The following RPS6KA5 variants were observed in gnomAD, a reference collection of about 807,000 sequenced individuals.
RPS6KA5 encodes ribosomal protein S6 kinase A5, also known as ribosomal protein S6 kinase alpha-5.
RPS6KA5 carries 27 observed loss-of-function variants against 85.5 expected under a neutral mutation model. The observed-to-expected ratio is 0.32, with a 90% CI of 0.23 to 0.44. The LOEUF (loss-of-function observed/expected upper bound fraction) is 0.44. RPS6KA5 is among the 20% of genes least tolerant of loss of function. The pLI is 1.00. For missense variants in RPS6KA5, 811 were observed against 980.9 expected (o/e 0.83, Z 2.31); for synonymous variants, 334 against 348.2 (o/e 0.96, Z 0.46).
At chr14:90,906,398 G>A (rs2140246923) in intron 7 of RPS6KA5, 99 bp from the exon 8 acceptor site, 1 of 943,426 alleles carries the variant, frequency 1.1e-6, no homozygotes, top group Non-Finnish European at 1.6e-6. Flanking sequence ...ATGTGAAAGA[G>A]AGATATAAAT....
intron 2 of RPS6KA5, among the ~76,000 whole-genome samples, chr14:90,978,726 A>G (rs1478716878): frequency 3.3e-5 from 5 of 152,178 alleles, no homozygotes; most frequent in Non-Finnish European, 7.3e-5. Flanking sequence ...TAATGTTTAC[A>G]TATCTAACCA....
rs574140721 is a variant in RPS6KA5, at chr14:91,004,186, C to T, written c.104-3027G>A. On this transcript the variant is annotated intron_variant, in intron 1 of 16. Coordinates refer to ENST00000614987, the MANE Select transcript of RPS6KA5 (RefSeq NM_004755.4). ...CTGCAAGCTCCGCCTCCCGGGTTCA[C>T]GCCATTCTCCTGCCTCAGCCTCCCG... 9.3e-4 allele frequency among the ~76,000 whole-genome samples: 142 copies of T among 152,206 alleles called. 1 individual carries two copies. The highest frequency in any genetic ancestry group is 3.2e-3 in the African/African-American group (131 of 41,534).
intron 1 of RPS6KA5, among the ~76,000 whole-genome samples, chr14:91,045,143 T>C (rs998933156): frequency 2.0e-5 from 3 of 152,214 alleles, no homozygotes; most frequent in African/African-American, 7.2e-5. Flanking sequence ...ACATTTGTGG[T>C]AATTTGTTAT....
intron 2 of RPS6KA5, among the ~76,000 whole-genome samples, chr14:90,986,007 AG>A (rs1383840446): frequency 6.6e-6 from 1 of 152,200 alleles, no homozygotes; most frequent in Non-Finnish European, 1.5e-5. Flanking sequence ...CAACTATAAA[AG>A]GCTAGGGGGA....
chr14:91,032,837 C>T (rs750919673), intron 1 of RPS6KA5, among the ~76,000 whole-genome samples: 8 of 151,692 alleles, frequency 5.3e-5, no homozygotes, highest in Non-Finnish European at 8.8e-5. Context: ...AAGACATAAG[C>T]ACTTCACAAA....
At chr14:90,912,360 A>G (rs1233259560) in intron 7 of RPS6KA5, among the ~76,000 whole-genome samples, 1 of 152,214 alleles carries the variant, frequency 6.6e-6, no homozygotes, top group African/African-American at 2.4e-5. Context: ...AGACTTGGAA[A>G]GAAAACAGCA....
At chr14:91,017,743 C>T (rs1451391284) in intron 1 of RPS6KA5, among the ~76,000 whole-genome samples, 1 of 152,204 alleles carries the variant, frequency 6.6e-6, no homozygotes, top group South Asian at 2.1e-4. Flanking sequence ...TGTATGCTTC[C>T]TGTTCCCACA....
In RPS6KA5 at chr14:91,002,707, T is replaced by C. The variant is rs111671633; in HGVS notation, c.104-1548A>G. ...TTACCACCTTAACCATTTTTAAGTATACAGTATTGTTAACCATATGTACGT... is the reference window on the plus strand; with the variant it reads ...TTACCACCTTAACCATTTTTAAGTACACAGTATTGTTAACCATATGTACGT... On this transcript the variant is annotated intron_variant, in intron 1 of 16. Transcript: ENST00000614987. 4.7e-3 allele frequency among the ~76,000 whole-genome samples: 722 copies of C among 152,304 alleles called. 4 individuals carry two copies. Among genetic ancestry groups the C allele is most frequent in the Non-Finnish European group, 6.9e-3 (467 of 67,988 alleles).
At chr14:91,008,655 G>C (rs1424033062) in intron 1 of RPS6KA5, among the ~76,000 whole-genome samples, 1 of 152,150 alleles carries the variant, frequency 6.6e-6, no homozygotes, top group Non-Finnish European at 1.5e-5. Flanking sequence ...GTTACTACGA[G>C]AGAATAATAA....
At chr14:91,060,285 G>GCGCGCCCC (rs2043599430) in intron 1 of RPS6KA5, 47 bp downstream of exon 1, 5 of 1,144,940 alleles carry the variant, frequency 4.4e-6, no homozygotes, top group Non-Finnish European at 5.4e-6. Context: ...GTGCCCTCAG[G>GCGCGCCCC]CGCGCCCCCG....
At chr14:90,963,042 C>T (rs896757916) in intron 3 of RPS6KA5, among the ~76,000 whole-genome samples, 2 of 152,166 alleles carry the variant, frequency 1.3e-5, no homozygotes, top group African/African-American at 4.8e-5. Flanking sequence ...CTCTTTGTGG[C>T]TACTTTTTTC....
rs773169044 is a variant in RPS6KA5, at chr14:90,900,700, GC to G, written c.1155del (p.Lys385AsnfsTer7). 2 of 1,613,454 alleles carry G rather than the reference GC, an allele frequency of 1.2e-6. No individual in the cohort carries two copies. Among genetic ancestry groups the G allele is most frequent in the Non-Finnish European group, 1.7e-6 (2 of 1,179,606 alleles). ...AGAGGGTCTATGACAGCTGCATTAC[GC>G]TTGAATAGGATGGAAGGAGCAACAA... The part of the protein sequence containing the change: ...YSFVAPSILF[K>X]RNAAVIDPLQ... On this transcript the variant is annotated frameshift_variant, in exon 10 of 17. Coordinates refer to ENST00000614987, the MANE Select transcript of RPS6KA5 (RefSeq NM_004755.4). LOFTEE classifies it high-confidence loss of function.
At chr14:91,044,956 A>G (rs1300154156) in intron 1 of RPS6KA5, among the ~76,000 whole-genome samples, 1 of 152,134 alleles carries the variant, frequency 6.6e-6, no homozygotes, top group Non-Finnish European at 1.5e-5. Context: ...GGAAACTGGA[A>G]CCTTGGGGAA....
At chr14:91,053,308 A>AT (rs143109826) in intron 1 of RPS6KA5, among the ~76,000 whole-genome samples, 2,712 of 152,354 alleles carry the variant, frequency 0.018, 62 homozygotes, top group African/African-American at 0.063. Flanking sequence ...TAAGACAAGG[A>AT]TGTCTGCTCT....
chr14:91,002,224 G>C (rs1338758972), intron 1 of RPS6KA5, among the ~76,000 whole-genome samples: 1 of 152,016 alleles, frequency 6.6e-6, no homozygotes, highest in Non-Finnish European at 1.5e-5. Context: ...ACTGATATCT[G>C]TGATTTACTT....
chr14:90,973,982 G>C (rs925020780), intron 3 of RPS6KA5, among the ~76,000 whole-genome samples: 2 of 133,098 alleles, frequency 1.5e-5, no homozygotes, highest in Non-Finnish European at 3.1e-5. Context: ...AGGCTGCAGT[G>C]GGCCAAGATT....
intron 2 of RPS6KA5, among the ~76,000 whole-genome samples, chr14:90,993,238 G>A (rs971690328): frequency 3.9e-5 from 6 of 152,124 alleles, no homozygotes; most frequent in South Asian, 2.1e-4. Context: ...TCAGGAGTTC[G>A]AGATCGGCCT....
chr14:91,043,935 T>C (rs1323480433), intron 1 of RPS6KA5, among the ~76,000 whole-genome samples: 1 of 152,118 alleles, frequency 6.6e-6, no homozygotes, highest in Non-Finnish European at 1.5e-5. Context: ...ATAAGAAAAT[T>C]ATCCAAGTAG....
chr14:91,008,914 G>C (rs1045492147), intron 1 of RPS6KA5, among the ~76,000 whole-genome samples: 2 of 152,184 alleles, frequency 1.3e-5, no homozygotes, highest in African/African-American at 4.8e-5. Context: ...CAGTAAAAAA[G>C]ATGTGTACTA....
Sources: gnomAD v4.1 joint callset for allele counts (sites outside exome capture counted in the v4.1 genomes callset) on GRCh38, gnomAD v4.1.1 for gene constraint, MANE v1.5 for transcripts, NCBI Gene and HGNC (gene_info 2026-07-23, HGNC 2026-07-21) for gene names.